LPIN1: variants seen among roughly 807,000 people sequenced by gnomAD.
LPIN1 encodes phosphatidate phosphatase LPIN1.
In LPIN1, 71 loss-of-function variants were observed where a neutral mutation model predicts 107.5. The ratio of observed to expected loss-of-function variants is 0.66; its 90% CI spans 0.55 to 0.80. LPIN1 has a LOEUF of 0.80. Ranked by LOEUF, LPIN1 falls within the 30% of genes least tolerant of loss-of-function variation. The pLI is 0.00. For synonymous variants in LPIN1, 445 were observed against 452.6 expected (o/e 0.98, Z 0.21); for missense variants, 1,043 against 1,160.6 (o/e 0.90, Z 1.47).
rs1392301779 is a variant in LPIN1, at chr2:11,787,056, C to T, written c.1550-18C>T. On this transcript the variant is annotated intron_variant, in intron 10 of 20. Transcript: ENST00000674199. Reference sequence around the variant, plus strand: ...TTTCTTTTTGTTTTTCCCTGATCCTCTGCAATTGCTGTCACAGATGCATTC... The same window carrying T: ...TTTCTTTTTGTTTTTCCCTGATCCTTTGCAATTGCTGTCACAGATGCATTC... 6.4e-7 allele frequency: 1 copy of T among 1,566,030 alleles called. No homozygotes were observed. The highest frequency in any genetic ancestry group is 1.1e-5 in the South Asian group (1 of 90,174).
At chr2:11,718,355 G>A (rs140890094) in intron 2 of LPIN1, among the ~76,000 whole-genome samples, 2,082 of 152,130 alleles carry the variant, frequency 0.014, 41 homozygotes, top group African/African-American at 0.045. Flanking sequence ...AGCCTCCCGA[G>A]TAGCTGGGAT....
chr2:11,776,912 C>G (rs1450260997), intron 6 of LPIN1, among the ~76,000 whole-genome samples: 1 of 152,174 alleles, frequency 6.6e-6, no homozygotes, highest in Non-Finnish European at 1.5e-5. Context: ...ATTAAAGATC[C>G]AGACCTCAGG....
chr2:11,819,043 TACAC>T (rs3037343), intron 18 of LPIN1: 8,406 of 156,124 alleles, frequency 0.054, 420 homozygotes, highest in East Asian at 0.14. Context: ...TATACACACA[TACAC>T]ACACACACAC....
Position 11,802,926 on chromosome 2 carries a change from T to A in LPIN1, c.1906T>A (p.Ser636Thr). Residue 636 changes from serine to threonine, a missense_variant, in exon 15 of 21, where the codon TCC becomes ACC. Physicochemically the swap from Ser to Thr is moderately conservative, Grantham distance 58 (BLOSUM62 1). Transcript: ENST00000674199. Reference protein sequence around the residue: ...LATRVKHESSSSDEERAAAKP... With the variant: ...LATRVKHESSTSDEERAAAKP... ...TTCCAGGGTAAAGCATGAATCATCC[T>A]CCAGTGATGAGGAGCGCGCAGCTGC... The A allele has an allele frequency of 6.2e-7, 1 of 1,613,416 alleles. No homozygotes were observed. Among genetic ancestry groups the A allele is most frequent in the Non-Finnish European group, 8.5e-7 (1 of 1,180,018 alleles).
intron 3 of LPIN1, among the ~76,000 whole-genome samples, 157 bp downstream of exon 3, chr2:11,768,015 G>A (rs370067422): frequency 8.5e-5 from 13 of 152,260 alleles, no homozygotes; most frequent in Middle Eastern, 3.4e-3. Context: ...TGGGGGATTT[G>A]AGCCAGACGG....
At chr2:11,710,880 A>G (rs763962449) in intron 1 of LPIN1, among the ~76,000 whole-genome samples, 7 of 152,144 alleles carry the variant, frequency 4.6e-5, no homozygotes, top group Admixed American at 2.0e-4. Context: ...TGTGGGCAGA[A>G]TGAGCCTATT....
chr2:11,758,593 C>G (rs1205163925), intron 1 of LPIN1, among the ~76,000 whole-genome samples: 1 of 152,170 alleles, frequency 6.6e-6, no homozygotes, highest in African/African-American at 2.4e-5. Context: ...GCCCATGACC[C>G]TGTCACTTGT....
intron 1 of LPIN1, among the ~76,000 whole-genome samples, chr2:11,749,045 CAA>C (rs1419649992): frequency 1.3e-5 from 2 of 152,218 alleles, no homozygotes; most frequent in African/African-American, 4.8e-5. Flanking sequence ...TTGAGAAGGG[CAA>C]AGTCACAATT....
rs1323413182 is a variant in LPIN1, at chr2:11,787,133, G to C, written c.1609G>C (p.Asp537His). ...GTTTGTGGACAACCCCGCTATTATC[G>C]ATGACCCCAATCTCGTGGTAAAGAT... ...QQFVDNPAII[D>H]DPNLVVKIGS... The change falls in exon 11 of 21, where the codon GAT becomes CAT. Residue 537 changes from aspartate to histidine, a missense_variant. Asp to His is a moderately conservative substitution (Grantham distance 81). Coordinates refer to ENST00000674199, the MANE Select transcript of LPIN1 (RefSeq NM_001349206.2). The C allele has an allele frequency of 6.2e-7, 1 of 1,614,036 alleles. No individual in the cohort carries two copies. Among genetic ancestry groups the C allele is most frequent in the Non-Finnish European group, 8.5e-7 (1 of 1,179,916 alleles).
At chr2:11,715,840 A>G (rs1663699415) in intron 2 of LPIN1, among the ~76,000 whole-genome samples, 1 of 152,092 alleles carries the variant, frequency 6.6e-6, no homozygotes, top group Non-Finnish European at 1.5e-5. Flanking sequence ...GATGACCAGG[A>G]GGCCTCGTCT....
At position 11,819,545 on chromosome 2, in the gene LPIN1, C is replaced by A. The variant is rs761544414; in HGVS notation, c.2464C>A (p.Leu822Met). ...CCAGTGTTTGACAGACATCAAAAAC[C>A]TGTTTTTCCCCAACACAGAACCCTT... ...KVQCLTDIKN[L>M]FFPNTEPFYA... The change falls in exon 19 of 21, where the codon CTG (leucine) becomes ATG (methionine). Residue 822 changes from leucine to methionine, a missense_variant. Leu to Met is a conservative substitution (Grantham distance 15). Transcript: ENST00000674199. The A allele has an allele frequency of 1.5e-5, 25 of 1,613,986 alleles. No individual in the cohort carries two copies. Among genetic ancestry groups the A allele is most frequent in the Non-Finnish European group, 2.1e-5 (25 of 1,179,978 alleles).
chr2:11,764,641 TCAGA>T (rs1176899653), intron 1 of LPIN1, among the ~76,000 whole-genome samples: 8 of 152,142 alleles, frequency 5.3e-5, no homozygotes, highest in African/African-American at 1.4e-4. Context: ...TGGAGAGAAG[TCAGA>T]CAGGCAGGCA....
At chr2:11,708,156 AG>A (rs1421455136) in intron 1 of LPIN1, among the ~76,000 whole-genome samples, 1 of 152,200 alleles carries the variant, frequency 6.6e-6, no homozygotes, top group Non-Finnish European at 1.5e-5. Context: ...ATCTGCCTTC[AG>A]CCACCCAGGG....
intron 1 of LPIN1, among the ~76,000 whole-genome samples, chr2:11,757,525 C>T (rs1668862215): frequency 2.0e-5 from 3 of 152,194 alleles, no homozygotes; most frequent in Admixed American, 6.5e-5. Context: ...ATTCTTTAAA[C>T]ATATGTGCTA....
At chr2:11,766,304 G>T (rs917704278) in intron 2 of LPIN1, among the ~76,000 whole-genome samples, 1 of 152,162 alleles carries the variant, frequency 6.6e-6, no homozygotes, top group Admixed American at 6.5e-5. Context: ...ATCACAAGCT[G>T]CCTGGGCTCA....
intron 1 of LPIN1, among the ~76,000 whole-genome samples, chr2:11,759,148 T>TCTTTCTTTCTTC (rs1669178006): frequency 7.0e-6 from 1 of 143,622 alleles, no homozygotes; most frequent in African/African-American, 2.6e-5. Context: ...TTTCTTTCTT[T>TCTTTCTTTCTTC]CTTTCTTTCT....
At chr2:11,704,123 T>A (rs1195836992) in intron 1 of LPIN1, among the ~76,000 whole-genome samples, 1 of 152,204 alleles carries the variant, frequency 6.6e-6, no homozygotes, top group Non-Finnish European at 1.5e-5. Context: ...GGAGGGTGCT[T>A]TAGGCTTCTT....
intron 1 of LPIN1, among the ~76,000 whole-genome samples, chr2:11,687,326 G>T (rs1662060185): frequency 6.6e-6 from 1 of 152,090 alleles, no homozygotes; most frequent in Non-Finnish European, 1.5e-5. Context: ...TTTTCATCAT[G>T]CTTCTTGAGA....
intron 1 of LPIN1, among the ~76,000 whole-genome samples, chr2:11,760,866 CAT>C (rs1320716720): frequency 6.6e-6 from 1 of 152,134 alleles, no homozygotes; most frequent in African/African-American, 2.4e-5. Flanking sequence ...CGGTGACAAA[CAT>C]AGCTCACGTG....
Sources: allele counts gnomAD v4.1 joint callset (sites outside exome capture counted in the v4.1 genomes callset), GRCh38; gene constraint gnomAD v4.1.1; transcripts MANE v1.5; gene names NCBI Gene and HGNC (gene_info 2026-07-23, HGNC 2026-07-21).